NCKAP5: variants seen among roughly 807,000 people sequenced by gnomAD.
The protein encoded by NCKAP5 is nck-associated protein 5.
A neutral mutation model predicts 167.0 loss-of-function variants in NCKAP5; 92 were observed. The ratio of observed to expected loss-of-function variants is 0.55; its 90% CI spans 0.47 to 0.66. The LOEUF is 0.66. NCKAP5 is among the 30% of genes least tolerant of loss of function. NCKAP5 has a pLI of 0.00. For synonymous variants in NCKAP5, 891 were observed against 877.4 expected (o/e 1.02, Z -0.27); for missense variants, 2,378 against 2,315.0 (o/e 1.03, Z -0.56).
At chr2:133,540,754 G>A (rs527499681) in intron 2 of NCKAP5, among the ~76,000 whole-genome samples, 1 of 151,964 alleles carries the variant, frequency 6.6e-6, no homozygotes, top group South Asian at 2.1e-4. Context: ...TAGCCAACAT[G>A]GTGAAACCCC....
chr2:132,673,089 A>T lies in NCKAP5; in HGVS notation c.*200T>A. 2 of 1,225,286 alleles carry T rather than the reference A, an allele frequency of 1.6e-6. 1 individual carries two copies. Among genetic ancestry groups the T allele is most frequent in the Non-Finnish European group, 2.0e-6 (2 of 982,716 alleles). 75.9% of individuals were successfully genotyped at this position (1,225,286 alleles called of 1,614,324 possible). On this transcript the variant is annotated 3_prime_UTR_variant, in exon 20 of 20. Transcript: ENST00000409261. ...CTATCATATAAAGAATCACTCAAAG[A>T]TTCCAAGTTGTCTACCCCAGGCCTA...
rs889317282 is a variant in NCKAP5, at chr2:132,861,804, G to A, written c.688-1193C>T. Among the ~76,000 whole-genome samples the A allele has an allele frequency of 5.3e-5, 8 of 152,140 alleles. No individual in the cohort carries two copies. In the East Asian group the frequency reaches 5.8e-4, roughly 11 times the overall value. On this transcript the variant is annotated intron_variant, in intron 10 of 19. Coordinates refer to ENST00000409261, the MANE Select transcript of NCKAP5 (RefSeq NM_207363.3). ...TATATTACTCTGTATTCATTTTATCGTTTGTGCTCTAGACTTGTCAATTAC... is the reference window on the plus strand; with the variant it reads ...TATATTACTCTGTATTCATTTTATCATTTGTGCTCTAGACTTGTCAATTAC...
intron 3 of NCKAP5, among the ~76,000 whole-genome samples, chr2:133,445,194 A>G (rs1242704457): frequency 6.6e-6 from 1 of 152,172 alleles, no homozygotes; most frequent in Non-Finnish European, 1.5e-5. Context: ...CTGAATTAAT[A>G]CAAGAAATGA....
chr2:132,852,666 G>C (rs988255509), intron 11 of NCKAP5, among the ~76,000 whole-genome samples: 5 of 152,118 alleles, frequency 3.3e-5, no homozygotes, highest in Non-Finnish European at 7.4e-5. Context: ...TCCAGGACCT[G>C]GGATCAATGT....
intron 19 of NCKAP5, among the ~76,000 whole-genome samples, chr2:132,716,403 C>T (rs1334426436): frequency 1.3e-5 from 2 of 152,146 alleles, no homozygotes; most frequent in African/African-American, 2.4e-5. Context: ...TGCCTAGTTC[C>T]GTTGCCTAGT....
intron 8 of NCKAP5, among the ~76,000 whole-genome samples, chr2:132,903,179 C>T (rs1693761246): frequency 6.6e-6 from 1 of 152,178 alleles, no homozygotes; most frequent in Non-Finnish European, 1.5e-5. Context: ...GCTCCCACCC[C>T]CCTTGCCACA....
intron 3 of NCKAP5, among the ~76,000 whole-genome samples, chr2:133,332,946 C>A (rs527834787): frequency 5.3e-5 from 8 of 152,306 alleles, no homozygotes; most frequent in Admixed American, 5.2e-4. Flanking sequence ...TGCTTGAAAC[C>A]ATTTTTCCAA....
intron 3 of NCKAP5, among the ~76,000 whole-genome samples, chr2:133,511,504 C>G (rs1683490724): frequency 6.6e-6 from 1 of 152,200 alleles, no homozygotes; most frequent in African/African-American, 2.4e-5. Context: ...TGACACGTCT[C>G]TAACTCCACC....
At chr2:132,760,636 A>G (rs1054859105) in intron 16 of NCKAP5, among the ~76,000 whole-genome samples, 4 of 149,956 alleles carry the variant, frequency 2.7e-5, no homozygotes, top group African/African-American at 4.9e-5. Flanking sequence ...TTGAGTTTCT[A>G]TTGTGAGTTA....
chr2:133,444,251 C>A (rs1280193069), intron 3 of NCKAP5, among the ~76,000 whole-genome samples: 1 of 152,024 alleles, frequency 6.6e-6, no homozygotes, highest in Non-Finnish European at 1.5e-5. Context: ...AGACTCACAG[C>A]GTCTTAGGGC....
rs147953862 is a variant in NCKAP5 at position 133,304,873 on chromosome 2, C to T, written c.70-1763G>A. Among the ~76,000 whole-genome samples, 9 of 152,258 alleles carry T rather than the reference C, an allele frequency of 5.9e-5. No individual in the cohort carries two copies. In the East Asian group the frequency reaches 1.7e-3, roughly 29 times the overall value. ...GGATTCGTTTCATGTTGGTTACGTGCTATGAAGTAAACAGGTGATAGGAAA... is the reference window on the plus strand; with the variant it reads ...GGATTCGTTTCATGTTGGTTACGTGTTATGAAGTAAACAGGTGATAGGAAA... On this transcript the variant is annotated intron_variant, in intron 3 of 19. Coordinates refer to ENST00000409261, the MANE Select transcript of NCKAP5 (RefSeq NM_207363.3).
At chr2:132,752,240 C>G (rs1680178545) in intron 16 of NCKAP5, among the ~76,000 whole-genome samples, 1 of 152,248 alleles carries the variant, frequency 6.6e-6, no homozygotes, top group Admixed American at 6.5e-5. Context: ...TTCCCCCGTG[C>G]ACAGGCCTCT....
intron 11 of NCKAP5, among the ~76,000 whole-genome samples, chr2:132,816,799 T>C (rs1448621973): frequency 6.6e-6 from 1 of 152,074 alleles, no homozygotes; most frequent in Non-Finnish European, 1.5e-5. Context: ...TCAATGAAGG[T>C]ATATAAAATG....
At chr2:133,294,195 C>T (rs1679797153) in intron 4 of NCKAP5, among the ~76,000 whole-genome samples, 1 of 152,148 alleles carries the variant, frequency 6.6e-6, no homozygotes, top group Admixed American at 6.6e-5. Context: ...TCAGTGTCCA[C>T]CATTAAGAAT....
chr2:132,932,577 T>C (rs1696472676), intron 8 of NCKAP5, among the ~76,000 whole-genome samples: 1 of 152,144 alleles, frequency 6.6e-6, no homozygotes, highest in African/African-American at 2.4e-5. Flanking sequence ...AACACTGCAA[T>C]GGGAAAGGTG....
At chr2:133,620,672 G>A in the NCKAP5 span, among the ~76,000 whole-genome samples, 136 of 152,112 alleles carry the variant, frequency 8.9e-4, no homozygotes, top group African/African-American at 3.1e-3. Flanking sequence ...CAATGATAGC[G>A]GGGGACTTTA....
chr2:133,229,683 T>C (rs1175611387), intron 4 of NCKAP5, among the ~76,000 whole-genome samples: 1 of 152,180 alleles, frequency 6.6e-6, no homozygotes, highest in African/African-American at 2.4e-5. Context: ...GAGCTACACC[T>C]GGACACAGGC....
intron 11 of NCKAP5, among the ~76,000 whole-genome samples, chr2:132,845,423 TTCTTGTACATTTAGGGTA>T (rs1188754823): frequency 1.3e-5 from 2 of 152,294 alleles, no homozygotes; most frequent in African/African-American, 4.8e-5. Flanking sequence ...TTTACATAAT[TTCTTGTACATTTAGGGTA>T]TTAACCCATG....
rs186512446 is a variant in NCKAP5, at chr2:133,019,158, A to G, written c.342-24919T>C. On this transcript the variant is annotated intron_variant, in intron 6 of 19. Coordinates refer to ENST00000409261, the MANE Select transcript of NCKAP5 (RefSeq NM_207363.3). Reference sequence around the variant, plus strand: ...TTTTAGCAACTGTAAACTAGGAATAACTTACTAAGTTGCTATACGGAGTGG... The same window carrying G: ...TTTTAGCAACTGTAAACTAGGAATAGCTTACTAAGTTGCTATACGGAGTGG... Among the ~76,000 whole-genome samples the G allele has an allele frequency of 2.0e-3, 301 of 152,328 alleles. 1 individual carries two copies. Among genetic ancestry groups the G allele is most frequent in the Non-Finnish European group, 3.4e-3 (228 of 68,030 alleles).
Sources: gnomAD v4.1 joint callset for allele counts (sites outside exome capture counted in the v4.1 genomes callset) on GRCh38, gnomAD v4.1.1 for gene constraint, MANE v1.5 for transcripts, NCBI Gene and HGNC (gene_info 2026-07-23, HGNC 2026-07-21) for gene names.